OR2L13: variants seen among roughly 807,000 people sequenced by gnomAD.
OR2L13 encodes olfactory receptor 2L13.
Under a neutral mutation model 15.3 loss-of-function variants are expected in OR2L13, and 14 were observed. The observed-to-expected ratio is 0.91, with a 90% CI of 0.60 to 1.43. OR2L13 has a LOEUF of 1.43. OR2L13 is among the 40% of genes most tolerant of loss of function. The pLI, the probability that OR2L13 is intolerant of heterozygous loss-of-function variation, is 0.00. For missense variants in OR2L13, 367 were observed against 387.9 expected, an observed-to-expected ratio of 0.95 and a Z score of 0.45; for synonymous variants, 152 against 142.9, an observed-to-expected ratio of 1.06 and a Z score of -0.45.
the OR2L13 span, among the ~76,000 whole-genome samples, chr1:248,080,043 A>C: frequency 1.3e-5 from 2 of 152,196 alleles, no homozygotes; most frequent in African/African-American, 4.8e-5. Flanking sequence ...TGTTAGAATA[A>C]TGATTTCCTT....
chr1:248,022,620 T>C, the OR2L13 span: 1 of 1,614,156 alleles, frequency 6.2e-7, no homozygotes, highest in Admixed American at 1.7e-5. Flanking sequence ...CCTTGCTGTC[T>C]ACCGCATGCA....
the OR2L13 span, among the ~76,000 whole-genome samples, chr1:248,012,220 T>G: frequency 2.0e-5 from 3 of 152,154 alleles, no homozygotes; most frequent in African/African-American, 7.2e-5. Context: ...GGTTCCCTTC[T>G]TCTCTGGATT....
the OR2L13 span, among the ~76,000 whole-genome samples, chr1:247,994,362 A>C: frequency 2.0e-5 from 3 of 152,094 alleles, no homozygotes; most frequent in African/African-American, 7.2e-5. Context: ...GCTCCACTGC[A>C]CTCCAGCCGG....
At chr1:248,069,494 C>T in the OR2L13 span, among the ~76,000 whole-genome samples, 21 of 152,280 alleles carry the variant, frequency 1.4e-4, no homozygotes, top group African/African-American at 5.1e-4. Context: ...TGGAAAGGAA[C>T]AACCGGTACT....
the OR2L13 span, among the ~76,000 whole-genome samples, chr1:248,028,303 G>T: frequency 6.6e-6 from 1 of 152,106 alleles, no homozygotes; most frequent in African/African-American, 2.4e-5. Flanking sequence ...ACCACTCCAT[G>T]GGCAATGGAA....
At chr1:248,006,989 A>C in the OR2L13 span, among the ~76,000 whole-genome samples, 1 of 152,156 alleles carries the variant, frequency 6.6e-6, no homozygotes, top group Non-Finnish European at 1.5e-5. Flanking sequence ...TGGAATGTCT[A>C]CTGTTTTTGT....
At chr1:248,084,716 G>GA in the OR2L13 span, 1 of 1,420,044 alleles carries the variant, frequency 7.0e-7, no homozygotes, top group Non-Finnish European at 9.5e-7. Context: ...GTCATGGTTT[G>GA]AATATTTTAG....
the OR2L13 span, chr1:248,022,624 G>T: frequency 3.1e-6 from 5 of 1,614,032 alleles, no homozygotes; most frequent in Non-Finnish European, 4.2e-6. Flanking sequence ...GCTGTCTACC[G>T]CATGCACTCT....
the OR2L13 span, among the ~76,000 whole-genome samples, chr1:247,961,363 TTGGAAGGAATTGGGCATGTGGACTG>T: frequency 6.6e-6 from 1 of 152,136 alleles, no homozygotes; most frequent in African/African-American, 2.4e-5. Context: ...GAACTGGGTC[TTGGAAGGAATTGGGCATGTGGACTG>T]TGGCTCATGA....
chr1:248,066,769 C>T, the OR2L13 span, among the ~76,000 whole-genome samples: 2 of 152,054 alleles, frequency 1.3e-5, no homozygotes, highest in South Asian at 4.1e-4. Context: ...TTGTCTTTAC[C>T]ACAAGTAGTG....
the OR2L13 span, among the ~76,000 whole-genome samples, chr1:247,960,790 G>A: frequency 2.6e-5 from 4 of 152,186 alleles, no homozygotes; most frequent in Non-Finnish European, 4.4e-5. Context: ...CCATTCGAAA[G>A]TGCAGTATTA....
the OR2L13 span, among the ~76,000 whole-genome samples, chr1:248,021,489 A>G: frequency 6.6e-6 from 1 of 152,180 alleles, no homozygotes; most frequent in Non-Finnish European, 1.5e-5. Context: ...AATGCCACAA[A>G]TGAACACTTC....
chr1:247,997,263 A>G, the OR2L13 span, among the ~76,000 whole-genome samples: 2 of 152,172 alleles, frequency 1.3e-5, no homozygotes, highest in South Asian at 2.1e-4. Context: ...TACTAGAAAC[A>G]AGAAATTAGA....
At chr1:248,067,607 C>G in the OR2L13 span, among the ~76,000 whole-genome samples, 1 of 152,184 alleles carries the variant, frequency 6.6e-6, no homozygotes, top group Non-Finnish European at 1.5e-5. Flanking sequence ...TCTGAGGTAC[C>G]GGGTTCATCT....
At chr1:247,981,962 C>T in the OR2L13 span, among the ~76,000 whole-genome samples, 8 of 152,034 alleles carry the variant, frequency 5.3e-5, no homozygotes, top group South Asian at 1.5e-3. Context: ...ACTGCAGGCT[C>T]CCGCCACCAC....
chr1:248,020,307 G>A, the OR2L13 span, among the ~76,000 whole-genome samples: 3 of 152,096 alleles, frequency 2.0e-5, no homozygotes, highest in East Asian at 3.9e-4. Context: ...CTGATGCTAT[G>A]ATTGTTTACC....
At chr1:247,965,602 A>G in the OR2L13 span, 3 of 1,572,486 alleles carry the variant, frequency 1.9e-6, no homozygotes, top group Non-Finnish European at 2.6e-6. Flanking sequence ...GTACATCTCC[A>G]CCACAGTGCC....
At chr1:247,943,419 A>T in the OR2L13 span, among the ~76,000 whole-genome samples, 3 of 151,666 alleles carry the variant, frequency 2.0e-5, no homozygotes, top group Non-Finnish European at 2.9e-5. Context: ...CTCCCTGAAT[A>T]AAAAAAAATC....
chr1:248,052,681 A>G, the OR2L13 span, among the ~76,000 whole-genome samples: 1 of 152,102 alleles, frequency 6.6e-6, no homozygotes, highest in East Asian at 1.9e-4. Flanking sequence ...TAGTCACCTG[A>G]GATGGTGCCA....
Sources: allele counts gnomAD v4.1 joint callset (sites outside exome capture counted in the v4.1 genomes callset), GRCh38; gene constraint gnomAD v4.1.1; transcripts MANE v1.5; gene names NCBI Gene and HGNC (gene_info 2026-07-23, HGNC 2026-07-21).